The following SNAPC3 variants were observed in gnomAD, a reference collection of about 807,000 sequenced individuals.
SNAPC3 encodes the protein snRNA-activating protein complex subunit 3.
A neutral mutation model predicts 47.7 loss-of-function variants in SNAPC3; 56 were observed. The observed-to-expected ratio is 1.18, with a 90% CI of 0.95 to 1.47. The LOEUF is 1.47. SNAPC3 is among the 40% of genes most tolerant of loss of function. The pLI is 0.00. For missense variants in SNAPC3, 665 were observed against 511.3 expected, an observed-to-expected ratio of 1.30 and a Z score of -2.90; for synonymous variants, 235 against 189.9, an observed-to-expected ratio of 1.24 and a Z score of -1.95.
chr9:15,464,999 A>C (rs2035515187), downstream of SNAPC3: 2 of 219,734 alleles, frequency 9.1e-6, no homozygotes, highest in African/African-American at 4.5e-5. Context: ...AGACTGTGAG[A>C]TTAAAATTAA....
At position 15,461,487 on chromosome 9, in the gene SNAPC3, C is replaced by G. The variant is rs1297072005; in HGVS notation, c.*1621C>G. The G allele has an allele frequency of 6.6e-6, 1 of 152,150 alleles. No individual in the cohort carries two copies. The highest frequency in any genetic ancestry group is 1.9e-4 in the East Asian group (1 of 5,204). 9.4% of individuals were successfully genotyped at this position (152,150 alleles called of 1,614,324 possible). ...AAATAAACTTTCTTTATTTTCAGGTCTAGACCATCAGATAGATTTATTCAA... is the reference window on the plus strand; with the variant it reads ...AAATAAACTTTCTTTATTTTCAGGTGTAGACCATCAGATAGATTTATTCAA... On this transcript the variant is annotated 3_prime_UTR_variant, in exon 9 of 9. Transcript: ENST00000380821.
chr9:15,447,437 T>G (rs1275118654), intron 5 of SNAPC3, among the ~76,000 whole-genome samples, 193 bp downstream of exon 5: 1 of 152,240 alleles, frequency 6.6e-6, no homozygotes, highest in Non-Finnish European at 1.5e-5. Flanking sequence ...TTTTGATTTC[T>G]TCATCTCTCA....
intron 3 of SNAPC3, among the ~76,000 whole-genome samples, chr9:15,442,619 C>G (rs963835399): frequency 1.3e-5 from 2 of 151,608 alleles, no homozygotes; most frequent in African/African-American, 2.4e-5. Context: ...AATGGGCGGC[C>G]GGGCAGAGAC....
intron 6 of SNAPC3, among the ~76,000 whole-genome samples, chr9:15,451,920 A>G (rs2034416016): frequency 6.6e-6 from 1 of 152,106 alleles, no homozygotes; most frequent in Non-Finnish European, 1.5e-5. Context: ...TTCATTATCA[A>G]TGTCTTAACA....
intron 5 of SNAPC3, among the ~76,000 whole-genome samples, chr9:15,450,631 A>T (rs1017584347): frequency 1.5e-4 from 23 of 152,358 alleles, no homozygotes; most frequent in African/African-American, 5.3e-4. Context: ...GGACCAGTTT[A>T]ACAGAGTGCT....
Position 15,423,946 on chromosome 9 carries a change from C to G in SNAPC3, c.352C>G (p.Pro118Ala), listed in dbSNP as rs778016044. 10 of 1,588,736 alleles carry G rather than the reference C, an allele frequency of 6.3e-6. No individual in the cohort carries two copies. In the African/African-American group the frequency reaches 1.1e-4, roughly 17 times the overall value. ...GAAATGCCTTGAGGACGGTGAGGAT[C>G]CAGAAGTCATTCCGGAGAATACTGA... ...KLKCLEDGED[P>A]EVIPENTDLV... The change falls in exon 2 of 9, where the codon CCA becomes GCA. Residue 118 changes from proline to alanine, a missense_variant. Pro to Ala is a conservative substitution (Grantham distance 27, BLOSUM62 -1). Transcript: ENST00000380821.
rs202082183 is a variant in SNAPC3 at position 15,423,048 on chromosome 9, G to C, written c.169G>C (p.Gly57Arg). ...GGAGCTGTGGCGGGGCCGTCTGCGCGGGGCCGGGGACTTGTCGCTGAGGGA... is the reference window on the plus strand; with the variant it reads ...GGAGCTGTGGCGGGGCCGTCTGCGCCGGGCCGGGGACTTGTCGCTGAGGGA... ...FGELWRGRLR[G>R]AGDLSLREPP... The change falls in exon 1 of 9, where the codon GGG becomes CGG. Residue 57 changes from glycine (G) to arginine (R), a missense_variant. By Grantham distance (125) the Gly-to-Arg change is moderately radical (BLOSUM62 -2). Transcript: ENST00000380821. The C allele has an allele frequency of 5.2e-4, 782 of 1,516,250 alleles. 10 individuals carry two copies. In the East Asian group the frequency reaches 0.019, roughly 37 times the overall value. The allele number at this position is 1,516,250 out of a possible 1,614,324, so 93.9% of individuals were successfully genotyped here.
At chr9:15,441,408 A>G (rs866835431) in intron 3 of SNAPC3, among the ~76,000 whole-genome samples, 3 of 29,786 alleles carry the variant, frequency 1.0e-4, no homozygotes, top group African/African-American at 2.2e-4. Context: ...TTTTTTTTTT[A>G]GTATTTATTG....
At chr9:15,449,732 G>A (rs960898494) in intron 5 of SNAPC3, among the ~76,000 whole-genome samples, 4 of 150,822 alleles carry the variant, frequency 2.7e-5, no homozygotes, top group South Asian at 4.2e-4. Context: ...CACCATGCCC[G>A]GCTAATTTTT....
chr9:15,458,804 C>T (rs2034986902), intron 8 of SNAPC3, among the ~76,000 whole-genome samples: 2 of 152,084 alleles, frequency 1.3e-5, no homozygotes, highest in Admixed American at 1.3e-4. Context: ...AAATTTAGTA[C>T]AGGTTGAGCA....
rs76475331 is a variant in SNAPC3 at position 15,449,337 on chromosome 9, T to G, written c.733-1983T>G. The stretch of plus-strand genomic sequence containing the variant: ...TGGAGAATGTTTGTCTGTCTGTTTT[T>G]TAATCAAGTCCAGTCTGGGCAACAA... On this transcript the variant is annotated intron_variant, in intron 5 of 8. Coordinates refer to ENST00000380821, the MANE Select transcript of SNAPC3 (RefSeq NM_001039697.2). Among the ~76,000 whole-genome samples, 677 of 152,048 alleles carry G rather than the reference T, an allele frequency of 4.5e-3. 3 individuals carry two copies. Among genetic ancestry groups the G allele is most frequent in the African/African-American group, 0.016 (646 of 41,494 alleles).
chr9:15,438,506 C>T lies in SNAPC3; in HGVS notation c.477+4870C>T, dbSNP rs1445766181. On this transcript the variant is annotated intron_variant, in intron 3 of 8. Transcript: ENST00000380821. Reference sequence around the variant, plus strand: ...TTATAATTTTCATTTTTTTTGCTAGCTTTGGGTTTAGTTTATTCTTAATTC... The same window carrying T: ...TTATAATTTTCATTTTTTTTGCTAGTTTTGGGTTTAGTTTATTCTTAATTC... Among the ~76,000 whole-genome samples the T allele has an allele frequency of 2.0e-5, 3 of 151,620 alleles. No individual in the cohort carries two copies. In the East Asian group the frequency reaches 5.8e-4, roughly 29 times the overall value.
chr9:15,454,570 G>A (rs35982923), intron 7 of SNAPC3, among the ~76,000 whole-genome samples: 1,664 of 152,352 alleles, frequency 0.011, 27 homozygotes, highest in African/African-American at 0.038. Flanking sequence ...AGGAAAAATA[G>A]AACTGGTAGA....
intron 2 of SNAPC3, among the ~76,000 whole-genome samples, chr9:15,428,146 T>C (rs1045555395): frequency 1.4e-5 from 2 of 143,198 alleles, no homozygotes; most frequent in African/African-American, 5.2e-5. Flanking sequence ...GTCAAACAGC[T>C]CTCATATATC....
chr9:15,465,100 A>G (rs2035525844), downstream of SNAPC3: 7 of 230,524 alleles, frequency 3.0e-5, no homozygotes, highest in Admixed American at 4.0e-4. Flanking sequence ...ACAAACAGTG[A>G]AAAGACAGTC....
intron 1 of SNAPC3, 71 bp from the exon 2 acceptor site, chr9:15,423,838 A>G (rs1026059216): frequency 1.0e-5 from 9 of 897,436 alleles, no homozygotes; most frequent in Non-Finnish European, 1.3e-5. Context: ...GTATTTAGGA[A>G]AACAACCCTA....
chr9:15,457,910 G>C, intron 7 of SNAPC3, 50 bp from the exon 8 acceptor site: 1 of 1,062,232 alleles, frequency 9.4e-7, no homozygotes, highest in East Asian at 2.6e-5. Flanking sequence ...ATAAAAATTT[G>C]TCACTTAATA....
intron 4 of SNAPC3, among the ~76,000 whole-genome samples, chr9:15,445,454 A>T (rs1246265926): frequency 1.3e-5 from 2 of 152,340 alleles, no homozygotes; most frequent in Non-Finnish European, 2.9e-5. Context: ...TATTAAGTCA[A>T]GGGTATCTAG....
chr9:15,426,524 C>G (rs2031424715), intron 2 of SNAPC3, among the ~76,000 whole-genome samples: 1 of 152,108 alleles, frequency 6.6e-6, no homozygotes, highest in Non-Finnish European at 1.5e-5. Context: ...AGGGAGCCAA[C>G]AAATATTTGT....
Sources: gnomAD v4.1 joint callset for allele counts (sites outside exome capture counted in the v4.1 genomes callset) on GRCh38, gnomAD v4.1.1 for gene constraint, MANE v1.5 for transcripts, NCBI Gene and HGNC (gene_info 2026-07-23, HGNC 2026-07-21) for gene names.